Variants in RNF125 observed in about 807,000 individuals in gnomAD.
RNF125 encodes the protein ring finger protein 125.
In RNF125, 21 loss-of-function variants were observed where a neutral mutation model predicts 26.0. That is an observed-to-expected ratio of 0.81 (90% CI 0.57 to 1.16). The LOEUF (loss-of-function observed/expected upper bound fraction) is 1.16, where lower values mean the gene tolerates loss of function less well. Among genes scored for constraint, RNF125 ranks in the 50% most tolerant of loss-of-function variants. The pLI, the probability that RNF125 is intolerant of heterozygous loss-of-function variation, is 0.00. For synonymous variants in RNF125, 95 were observed against 109.2 expected (o/e 0.87, Z 0.81); for missense variants, 270 against 299.4 (o/e 0.90, Z 0.72).
chr18:32,087,908 C>G, the RNF125 span, among the ~76,000 whole-genome samples: 1 of 152,082 alleles, frequency 6.6e-6, no homozygotes, highest in African/African-American at 2.4e-5. Flanking sequence ...GATAACAATA[C>G]GAAGATCCAC....
At position 32,069,282 on chromosome 18, in the gene RNF125, A is replaced by G. The variant is rs1345863028; in HGVS notation, c.*898A>G. The G allele has an allele frequency of 2.0e-5, 3 of 152,178 alleles. No individual in the cohort carries two copies. Among genetic ancestry groups the G allele is most frequent in the Non-Finnish European group, 4.4e-5 (3 of 68,018 alleles). 9.4% of individuals were successfully genotyped at this position (152,178 alleles called of 1,614,324 possible). A position where few individuals can be genotyped will look rare whatever the true frequency, so the allele number is the denominator to read the frequency against. ...AAAACAAATTTTGTGTTAGAAAAGT[A>G]TACTTAATTCTTTGACTTTTTATAA... On this transcript the variant is annotated 3_prime_UTR_variant, in exon 6 of 6. Coordinates refer to ENST00000217740, the MANE Select transcript of RNF125 (RefSeq NM_017831.4).
the RNF125 span, among the ~76,000 whole-genome samples, chr18:32,080,760 A>T: frequency 6.6e-6 from 1 of 152,168 alleles, no homozygotes; most frequent in Admixed American, 6.5e-5. Flanking sequence ...GTGATGGCGG[A>T]CGCCTGTAGT....
At chr18:32,026,242 CTTTTT>C (rs1181390375) in intron 1 of RNF125, among the ~76,000 whole-genome samples, 1 of 73,144 alleles carries the variant, frequency 1.4e-5, no homozygotes, top group Non-Finnish European at 2.4e-5. Flanking sequence ...AGCACCCGGT[CTTTTT>C]TTTTTTTTTT....
downstream of RNF125, chr18:32,076,310 T>A (rs1376341680): frequency 3.1e-6 from 1 of 319,068 alleles, no homozygotes; most frequent in Admixed American, 3.9e-5. Flanking sequence ...GAGGTTTTTT[T>A]TGGTTGTTTT....
chr18:32,055,534 A>C (rs2039372067), intron 4 of RNF125, among the ~76,000 whole-genome samples: 1 of 152,100 alleles, frequency 6.6e-6, no homozygotes, highest in Non-Finnish European at 1.5e-5. Flanking sequence ...CAGGAGAGAG[A>C]ATGAACGCGG....
intron 3 of RNF125, among the ~76,000 whole-genome samples, chr18:32,043,079 G>A (rs111888547): frequency 0.14 from 20,985 of 151,880 alleles, 1,533 homozygotes; most frequent in Middle Eastern, 0.23. Context: ...AATCTGGGAG[G>A]CAGAGGTTGC....
At chr18:32,062,914 C>T (rs938997916) in intron 4 of RNF125, among the ~76,000 whole-genome samples, 8 of 152,064 alleles carry the variant, frequency 5.3e-5, no homozygotes, top group African/African-American at 1.9e-4. Context: ...GTCTGCATCT[C>T]ATACTTTAAA....
chr18:32,025,686 AAAG>A (rs1300010407), intron 1 of RNF125, among the ~76,000 whole-genome samples: 12 of 144,094 alleles, frequency 8.3e-5, no homozygotes, highest in East Asian at 6.3e-4. Flanking sequence ...AAAAAAAAAA[AAAG>A]AAGACAGAGG....
chr18:32,050,847 G>GTCTC (rs970265442), intron 4 of RNF125, among the ~76,000 whole-genome samples: 2 of 106,962 alleles, frequency 1.9e-5, no homozygotes, highest in African/African-American at 5.2e-5. Context: ...CCTCCAGCTA[G>GTCTC]TCTCTCGGTC....
intron 4 of RNF125, among the ~76,000 whole-genome samples, chr18:32,045,979 A>C (rs2039266446): frequency 6.6e-6 from 1 of 152,118 alleles, no homozygotes; most frequent in African/African-American, 2.4e-5. Flanking sequence ...GGCATAATCA[A>C]CTAAAATGAT....
Position 32,072,950 on chromosome 18 carries a change from G to A in RNF125, c.*4566G>A, listed in dbSNP as rs2039545314. 2 of 152,166 alleles carry A rather than the reference G, an allele frequency of 1.3e-5. No homozygotes were observed. The highest frequency in any genetic ancestry group is 4.8e-5 in the African/African-American group (2 of 41,420). The allele number at this position is 152,166 out of a possible 1,614,324, so 9.4% of individuals were successfully genotyped here. A position where few individuals can be genotyped will look rare whatever the true frequency, so the allele number is the denominator to read the frequency against. ...TTTAATTTCATTACTGTTACTGGGT[G>A]CCAAGTGTCTTTCATTTGGAAGTGA... On this transcript the variant is annotated 3_prime_UTR_variant, in exon 6 of 6. Transcript: ENST00000217740.
At chr18:32,085,831 A>C in the RNF125 span, among the ~76,000 whole-genome samples, 3 of 151,440 alleles carry the variant, frequency 2.0e-5, no homozygotes, top group Non-Finnish European at 2.9e-5. Flanking sequence ...GGAAACTGGG[A>C]AACAGTTTAT....
chr18:32,090,782 G>A, the RNF125 span, among the ~76,000 whole-genome samples: 1 of 152,172 alleles, frequency 6.6e-6, no homozygotes, highest in Non-Finnish European at 1.5e-5. Context: ...ATAAATGGCA[G>A]AATTGATTTA....
intron 2 of RNF125, among the ~76,000 whole-genome samples, chr18:32,039,386 ACT>A (rs778104041): frequency 1.3e-5 from 2 of 151,922 alleles, no homozygotes; most frequent in African/African-American, 2.4e-5. Context: ...ACATAGCAAG[ACT>A]CTCTCAACAA....
intron 1 of RNF125, among the ~76,000 whole-genome samples, chr18:32,025,220 A>T (rs563973471): frequency 8.5e-6 from 1 of 117,630 alleles, no homozygotes; most frequent in East Asian, 3.2e-4. Flanking sequence ...ATGTGTAAAC[A>T]TATATATACA....
At chr18:32,044,365 TAAG>T (rs1328035622) in intron 3 of RNF125, among the ~76,000 whole-genome samples, 15 of 152,186 alleles carry the variant, frequency 9.9e-5, no homozygotes, top group African/African-American at 4.8e-5. Flanking sequence ...TTTAAACAAA[TAAG>T]AAGATAAAGT....
chr18:32,044,071 A>G (rs547012103), intron 3 of RNF125, among the ~76,000 whole-genome samples: 1 of 152,090 alleles, frequency 6.6e-6, no homozygotes. Context: ...CAGCAGCGCA[A>G]TCTTGGCTCA....
At chr18:32,075,343 A>AG (rs2039562885), downstream of RNF125, among the ~76,000 whole-genome samples, 1 of 152,092 alleles carries the variant, frequency 6.6e-6, no homozygotes, top group Non-Finnish European at 1.5e-5. Flanking sequence ...GAATCATCTG[A>AG]GGTCAGGAGT....
chr18:32,087,181 C>A, the RNF125 span, among the ~76,000 whole-genome samples: 3 of 151,512 alleles, frequency 2.0e-5, no homozygotes, highest in Admixed American at 6.6e-5. Flanking sequence ...TACCAGTAAT[C>A]GTGTTTCTCT....
Sources: gnomAD v4.1 joint callset for allele counts (sites outside exome capture counted in the v4.1 genomes callset) on GRCh38, gnomAD v4.1.1 for gene constraint, MANE v1.5 for transcripts, NCBI Gene and HGNC (gene_info 2026-07-23, HGNC 2026-07-21) for gene names.